Variants in NME7 observed in about 807,000 individuals in gnomAD.
NME7 encodes NME/NM23 family member 7.
In NME7, 41 loss-of-function variants were observed where a neutral mutation model predicts 49.1. That is an observed-to-expected ratio of 0.83 (90% confidence interval 0.65 to 1.08). The LOEUF is 1.08. Among genes scored for constraint, NME7 ranks in the 50% least tolerant of loss-of-function variants. NME7 has a pLI of 0.00. For missense variants in NME7, 423 were observed against 463.4 expected, an observed-to-expected ratio of 0.91 and a Z score of 0.80; for synonymous variants, 139 against 150.6, an observed-to-expected ratio of 0.92 and a Z score of 0.56.
Position 169,153,865 on chromosome 1 carries a change from A to ATT in NME7, c.1098+15580_1098+15581dup, listed in dbSNP as rs34219745. 1.2e-3 allele frequency among the ~76,000 whole-genome samples: 171 copies of ATT among 145,780 alleles called. 3 individuals carry two copies. The highest frequency in any genetic ancestry group is 4.2e-3 in the African/African-American group (165 of 39,550). On this transcript the variant is annotated intron_variant, in intron 11 of 11. Coordinates refer to ENST00000367811, the MANE Select transcript of NME7 (RefSeq NM_013330.5). ...AAACACCTGCCACCATGCTCGGCTA[A>ATT]TTTTTTTTTTTTTTTTATTTTTTGT...
chr1:169,263,604 T>G (rs1649229680), intron 7 of NME7, among the ~76,000 whole-genome samples: 1 of 133,396 alleles, frequency 7.5e-6, no homozygotes, highest in Non-Finnish European at 1.8e-5. Context: ...TATGGAATTA[T>G]GTAAAAGACC....
chr1:169,178,149 C>G (rs1659816257), intron 10 of NME7, among the ~76,000 whole-genome samples: 1 of 152,042 alleles, frequency 6.6e-6, no homozygotes, highest in Non-Finnish European at 1.5e-5. Flanking sequence ...TCTCCTCTTT[C>G]TTAATAATTG....
chr1:169,337,944 G>T (rs1652544337), intron 1 of NME7, among the ~76,000 whole-genome samples: 1 of 152,166 alleles, frequency 6.6e-6, no homozygotes, highest in South Asian at 2.1e-4. Context: ...TGTCCAGGTT[G>T]TTCACAGAGA....
chr1:169,197,407 C>CTG (rs35867722), intron 10 of NME7, among the ~76,000 whole-genome samples: 15 of 151,324 alleles, frequency 9.9e-5, no homozygotes, highest in Non-Finnish European at 1.2e-4. Flanking sequence ...AAAAACTACT[C>CTG]TGTGTGTGTG....
At chr1:169,337,833 G>A (rs1016855149) in intron 1 of NME7, among the ~76,000 whole-genome samples, 1 of 152,166 alleles carries the variant, frequency 6.6e-6, no homozygotes, top group Non-Finnish European at 1.5e-5. Context: ...TTATCAAATA[G>A]TCTTCCTCCA....
chr1:169,231,973 T>C (rs1647642520), intron 9 of NME7, among the ~76,000 whole-genome samples: 1 of 152,108 alleles, frequency 6.6e-6, no homozygotes, highest in South Asian at 2.1e-4. Context: ...GGCAAATATG[T>C]AGGAAAATAC....
At chr1:169,279,119 C>T (rs1433780983) in intron 7 of NME7, among the ~76,000 whole-genome samples, 1 of 152,148 alleles carries the variant, frequency 6.6e-6, no homozygotes, top group Non-Finnish European at 1.5e-5. Flanking sequence ...CCCAGTTAGG[C>T]TGCTTGGGGG....
At chr1:169,166,963 C>T (rs1441477458) in intron 11 of NME7, among the ~76,000 whole-genome samples, 1 of 152,160 alleles carries the variant, frequency 6.6e-6, no homozygotes, top group Admixed American at 6.5e-5. Flanking sequence ...CAGAGTGAGA[C>T]TCCCTCTCAA....
intron 2 of NME7, 37 bp downstream of exon 2, chr1:169,324,356 C>G (rs1388974337): frequency 7.5e-7 from 1 of 1,338,896 alleles, no homozygotes. Flanking sequence ...ATGTTCACCC[C>G]CTTTGCCAAC....
chr1:169,209,797 T>C (rs1019313456), intron 10 of NME7, among the ~76,000 whole-genome samples: 9 of 152,144 alleles, frequency 5.9e-5, no homozygotes, highest in Non-Finnish European at 1.2e-4. Flanking sequence ...CTTTGCATTG[T>C]AGGCTAGAGC....
At chr1:169,234,546 G>T (rs1035623593) in intron 9 of NME7, among the ~76,000 whole-genome samples, 17 of 152,068 alleles carry the variant, frequency 1.1e-4, no homozygotes, top group African/African-American at 4.1e-4. Flanking sequence ...TTTAATATGT[G>T]AGACAGTTTT....
chr1:169,157,068 T>G (rs1450926848), intron 11 of NME7, among the ~76,000 whole-genome samples: 1 of 152,162 alleles, frequency 6.6e-6, no homozygotes, highest in Non-Finnish European at 1.5e-5. Context: ...ACATAATAAT[T>G]GTTCACATTT....
At chr1:169,155,232 G>C (rs922471391) in intron 11 of NME7, among the ~76,000 whole-genome samples, 4 of 152,188 alleles carry the variant, frequency 2.6e-5, no homozygotes, top group Non-Finnish European at 4.4e-5. Context: ...GACTCCATAA[G>C]CATGTGTAAC....
At chr1:169,143,882 ATT>A (rs956089268) in intron 11 of NME7, among the ~76,000 whole-genome samples, 1 of 151,548 alleles carries the variant, frequency 6.6e-6, no homozygotes, top group Non-Finnish European at 1.5e-5. Flanking sequence ...ATTCTCAACA[ATT>A]TTTTTTTATT....
intron 10 of NME7, among the ~76,000 whole-genome samples, chr1:169,221,974 G>A (rs1571303045): frequency 6.6e-6 from 1 of 151,950 alleles, no homozygotes; most frequent in Non-Finnish European, 1.5e-5. Flanking sequence ...ATATTGACCA[G>A]GCTAGTCTTG....
At chr1:169,287,902 C>A (rs1387537159) in intron 6 of NME7, among the ~76,000 whole-genome samples, 1 of 151,932 alleles carries the variant, frequency 6.6e-6, no homozygotes, top group Non-Finnish European at 1.5e-5. Context: ...TCAAATGAAC[C>A]ATGTTTTATA....
intron 9 of NME7, among the ~76,000 whole-genome samples, chr1:169,232,791 G>A (rs1409419759): frequency 6.6e-6 from 1 of 151,766 alleles, no homozygotes; most frequent in Admixed American, 6.6e-5. Flanking sequence ...GGAAAAAAAT[G>A]CCAGACAAAA....
At chr1:169,242,537 G>T (rs1558003705) in intron 7 of NME7, among the ~76,000 whole-genome samples, 1 of 151,824 alleles carries the variant, frequency 6.6e-6, no homozygotes, top group East Asian at 1.9e-4. Context: ...CATTCTCATT[G>T]CTCTGATTCA....
At chr1:169,310,200 TATAGA>T (rs1651332379) in intron 3 of NME7, 120 bp from the exon 4 acceptor site, 3 of 638,486 alleles carry the variant, frequency 4.7e-6, no homozygotes, top group African/African-American at 1.9e-5. Flanking sequence ...AAATTAATTG[TATAGA>T]AAAGTGTATT....
Sources: allele counts gnomAD v4.1 joint callset (sites outside exome capture counted in the v4.1 genomes callset), GRCh38; gene constraint gnomAD v4.1.1; transcripts MANE v1.5; gene names NCBI Gene and HGNC (gene_info 2026-07-23, HGNC 2026-07-21).